Variants in ANKRD30B observed in about 807,000 individuals in gnomAD.
The protein encoded by ANKRD30B is ankyrin repeat domain-containing protein 30B.
A neutral mutation model predicts 202.2 loss-of-function variants in ANKRD30B; 144 were observed. The ratio of observed to expected loss-of-function variants is 0.71; its 90% confidence interval spans 0.62 to 0.82. The LOEUF (loss-of-function observed/expected upper bound fraction) is 0.82, where lower values mean the gene tolerates loss of function less well. Among genes scored for constraint, ANKRD30B ranks in the 40% least tolerant of loss-of-function variants. The pLI is 0.00. For missense variants in ANKRD30B, 1,487 were observed against 1,669.1 expected (o/e 0.89, Z 1.90); for synonymous variants, 508 against 561.3 (o/e 0.91, Z 1.34).
At position 14,796,280 on chromosome 18, in the gene ANKRD30B, C is replaced by G. The variant is rs575415424; in HGVS notation, c.1854+31C>G. ...AACTTTTATATTGCTATCTTGAATA[C>G]TAACTACATATTTTAGGAAGCATAT... is the stretch of plus-strand genomic sequence containing the variant. On this transcript the variant is annotated intron_variant, in intron 17 of 43. Coordinates refer to ENST00000690538, the MANE Select transcript of ANKRD30B (RefSeq NM_001367607.2). 1.1e-5 allele frequency: 17 copies of G among 1,609,438 alleles called. No homozygotes were observed. In the Admixed American group the frequency reaches 2.8e-4, roughly 27 times the overall value.
chr18:14,853,463 T>C (rs922751015), intron 42 of ANKRD30B, among the ~76,000 whole-genome samples: 23 of 152,076 alleles, frequency 1.5e-4, no homozygotes, highest in African/African-American at 5.6e-4. Context: ...GGAACTTTGA[T>C]GTTGATTTGT....
intron 14 of ANKRD30B, among the ~76,000 whole-genome samples, chr18:14,785,234 G>A (rs1051540755): frequency 1.3e-5 from 2 of 152,068 alleles, no homozygotes; most frequent in African/African-American, 2.4e-5. Flanking sequence ...ATTTTACAAC[G>A]TGTGCATGGT....
chr18:14,917,499 A>C, the ANKRD30B span, among the ~76,000 whole-genome samples: 1 of 151,934 alleles, frequency 6.6e-6, no homozygotes, highest in South Asian at 2.1e-4. Context: ...CCATGCAATC[A>C]CCCTGGACAC....
chr18:14,877,814 T>C, the ANKRD30B span: 1 of 152,120 alleles, frequency 6.6e-6, no homozygotes, highest in Non-Finnish European at 1.5e-5. Flanking sequence ...ATGTGGAAAT[T>C]CTCCTGGGTT....
At position 14,760,614 on chromosome 18, in the gene ANKRD30B, T is replaced by A; in HGVS notation, c.816T>A (p.Asn272Lys). Residue 272 changes from asparagine (N) to lysine (K), a missense_variant, in exon 6 of 44, where the codon AAT (asparagine) becomes AAA (lysine). Asn to Lys is a moderately conservative substitution (Grantham distance 94, BLOSUM62 0). This residue lies in a region of ANKRD30B where 889 missense variants were observed against 841.4 expected (regional missense o/e 1.06). Coordinates refer to ENST00000690538, the MANE Select transcript of ANKRD30B (RefSeq NM_001367607.2). ...RKLPKNPQNT[N>K]PEGTSTGTPD... ...TACCTAAAAATCCTCAAAATACCAA[T>A]CCAGGTAAGACTTCGGATAGCAAAC... is the stretch of plus-strand genomic sequence containing the variant. 1 of 1,535,124 alleles carries A rather than the reference T, an allele frequency of 6.5e-7. No homozygotes were observed. The highest frequency in any genetic ancestry group is 8.8e-7 in the Non-Finnish European group (1 of 1,137,794).
chr18:14,758,096 T>C, intron 5 of ANKRD30B, 144 bp downstream of exon 5: 5 of 882,680 alleles, frequency 5.7e-6, no homozygotes, highest in Non-Finnish European at 3.4e-6. Flanking sequence ...TCCAGGATTC[T>C]TTATTTTAGG....
At chr18:14,891,962 G>A in the ANKRD30B span, among the ~76,000 whole-genome samples, 3 of 152,200 alleles carry the variant, frequency 2.0e-5, no homozygotes, top group African/African-American at 7.2e-5. Context: ...AAATGTATCA[G>A]TTAGGTTGGT....
At chr18:14,901,789 G>T in the ANKRD30B span, among the ~76,000 whole-genome samples, 1 of 152,144 alleles carries the variant, frequency 6.6e-6, no homozygotes, top group Non-Finnish European at 1.5e-5. Flanking sequence ...CATTACCAAA[G>T]CTTTGATTGA....
intron 34 of ANKRD30B, 183 bp from the exon 35 acceptor site, chr18:14,837,028 C>G (rs71350519): frequency 4.2e-6 from 2 of 471,860 alleles, no homozygotes; most frequent in Non-Finnish European, 7.7e-6. Context: ...AAGCCAGAAT[C>G]TATCTTCCAT....
chr18:14,758,977 G>A (rs1270026025), intron 5 of ANKRD30B, among the ~76,000 whole-genome samples: 1 of 152,110 alleles, frequency 6.6e-6, no homozygotes. Flanking sequence ...TCCAACTTGT[G>A]GTTGTTCCCT....
chr18:14,793,966 A>T lies in ANKRD30B; in HGVS notation c.1826-2255A>T. Among the ~76,000 whole-genome samples the T allele has an allele frequency of 3.3e-5, 5 of 152,256 alleles. No homozygotes were observed. In the South Asian group the frequency reaches 1.0e-3, roughly 32 times the overall value. On this transcript the variant is annotated intron_variant, in intron 16 of 43. Transcript: ENST00000690538. ...TAATTAGACTCTCTTCATGGTGACT[A>T]AAAAGCATCATAATAATTATAGATG...
chr18:14,819,382 C>T (rs1352304050), intron 30 of ANKRD30B, among the ~76,000 whole-genome samples: 2 of 150,596 alleles, frequency 1.3e-5, no homozygotes, highest in African/African-American at 4.9e-5. Context: ...TCCCATTTGT[C>T]AATTTTGTCT....
intron 15 of ANKRD30B, among the ~76,000 whole-genome samples, chr18:14,789,816 A>C (rs999489525): frequency 6.6e-6 from 1 of 152,196 alleles, no homozygotes; most frequent in Admixed American, 6.5e-5. Context: ...GTTTGAAGTC[A>C]GGTACTGTGA....
Position 14,848,718 on chromosome 18 carries a change from T to C in ANKRD30B, c.3184T>C (p.Ser1062Pro). The stretch of plus-strand genomic sequence containing the variant: ...TTTCTATCTCCTCCTTGAGACAGAT[T>C]CAACTACCCTATCAAAAATCTTGGA... ...WKNKQTLRADSTTLSKILDAL... is the reference protein window; with the variant it reads ...WKNKQTLRADPTTLSKILDAL... Residue 1062 changes from serine (S) to proline (P), a missense_variant and splice_region_variant, in exon 40 of 44, where the codon TCA (serine) becomes CCA (proline). Ser to Pro is a moderately conservative substitution (Grantham distance 74). Transcript: ENST00000690538. 6.6e-7 allele frequency: 1 copy of C among 1,525,180 alleles called. No individual in the cohort carries two copies. Among genetic ancestry groups the C allele is most frequent in the Non-Finnish European group, 8.8e-7 (1 of 1,139,232 alleles). 94.5% of individuals were successfully genotyped at this position (1,525,180 alleles called of 1,614,324 possible). A position where few individuals can be genotyped will look rare whatever the true frequency, so the allele number is the denominator to read the frequency against.
chr18:14,828,226 A>AT (rs1277018944), intron 32 of ANKRD30B, 52 bp from the exon 33 acceptor site: 1 of 1,360,880 alleles, frequency 7.3e-7, no homozygotes, highest in Non-Finnish European at 1.0e-6. Flanking sequence ...AATATTCTGT[A>AT]TTTTTTATTT....
chr18:14,909,941 G>A, the ANKRD30B span: 1 of 152,074 alleles, frequency 6.6e-6, no homozygotes, highest in Non-Finnish European at 1.5e-5. Flanking sequence ...TAAATCTAGT[G>A]TGGGGGAAGA....
At chr18:14,873,790 A>ACGTCT in the ANKRD30B span, among the ~76,000 whole-genome samples, 1 of 151,954 alleles carries the variant, frequency 6.6e-6, no homozygotes, top group African/African-American at 2.4e-5. Context: ...TACAGAGGAG[A>ACGTCT]CCTCTGTGGG....
At chr18:14,815,921 A>G (rs1450564412) in intron 30 of ANKRD30B, among the ~76,000 whole-genome samples, 2 of 152,150 alleles carry the variant, frequency 1.3e-5, no homozygotes, top group Non-Finnish European at 2.9e-5. Flanking sequence ...TATGGGTGTG[A>G]AAATTAGTGG....
chr18:14,867,749 C>T, the ANKRD30B span, among the ~76,000 whole-genome samples: 2 of 152,138 alleles, frequency 1.3e-5, no homozygotes, highest in South Asian at 2.1e-4. Context: ...TCTCCAGTCC[C>T]CACCCCAGGT....
Sources: allele counts gnomAD v4.1 joint callset (sites outside exome capture counted in the v4.1 genomes callset), GRCh38; gene constraint gnomAD v4.1.1; regional missense constraint gnomAD v4.1.1; transcripts MANE v1.5; gene names NCBI Gene and HGNC (gene_info 2026-07-23, HGNC 2026-07-21).